PRKCH: variants seen among roughly 807,000 people sequenced by gnomAD.
PRKCH encodes protein kinase C eta type.
In PRKCH, 28 loss-of-function variants were observed where a neutral mutation model predicts 82.5. That is an observed-to-expected ratio of 0.34 (90% CI 0.25 to 0.47). The LOEUF is 0.47. Among genes scored for constraint, PRKCH ranks in the 20% least tolerant of loss-of-function variants. The pLI, the probability that PRKCH is intolerant of heterozygous loss-of-function variation, is 1.00. For synonymous variants in PRKCH, 322 were observed against 327.4 expected (o/e 0.98, Z 0.18); for missense variants, 705 against 881.8 (o/e 0.80, Z 2.54).
intron 2 of PRKCH, among the ~76,000 whole-genome samples, chr14:61,431,370 G>T (rs113533354): frequency 1.3e-3 from 196 of 152,270 alleles, no homozygotes; most frequent in Middle Eastern, 0.01. Context: ...AGGGTCCTCG[G>T]ATCTCTCAAA....
chr14:61,248,133 A>G (rs1253961667), intron 1 of PRKCH, among the ~76,000 whole-genome samples: 1 of 152,134 alleles, frequency 6.6e-6, no homozygotes, highest in African/African-American at 2.4e-5. Context: ...CCCTGACCAC[A>G]TTATTTATCA....
chr14:61,535,238 G>T (rs1359809799), intron 12 of PRKCH, among the ~76,000 whole-genome samples: 1 of 152,230 alleles, frequency 6.6e-6, no homozygotes, highest in African/African-American at 2.4e-5. Context: ...ATTCAGTGAT[G>T]AGTGAGGCAA....
intron 11 of PRKCH, among the ~76,000 whole-genome samples, chr14:61,529,520 G>C (rs1040814793): frequency 6.6e-6 from 1 of 151,714 alleles, no homozygotes; most frequent in Non-Finnish European, 1.5e-5. Flanking sequence ...GTCCAACAAT[G>C]ATAGACTGGA....
At chr14:61,408,560 G>A (rs1048138652) in intron 2 of PRKCH, among the ~76,000 whole-genome samples, 1 of 152,128 alleles carries the variant, frequency 6.6e-6, no homozygotes, top group Non-Finnish European at 1.5e-5. Flanking sequence ...GTGACCTTAA[G>A]CAATGGTTGC....
At chr14:61,455,318 G>T (rs1884714884) in intron 7 of PRKCH, among the ~76,000 whole-genome samples, 1 of 151,968 alleles carries the variant, frequency 6.6e-6, no homozygotes, top group South Asian at 2.1e-4. Flanking sequence ...GGGATTACAG[G>T]CTTGAGCCAC....
intron 1 of PRKCH, among the ~76,000 whole-genome samples, chr14:61,211,360 G>A (rs540771755): frequency 7.9e-5 from 12 of 152,292 alleles, no homozygotes; most frequent in East Asian, 3.9e-4. Flanking sequence ...AACTTCTCTC[G>A]TGACCATCCC....
At chr14:61,479,011 C>T (rs146476444) in intron 9 of PRKCH, among the ~76,000 whole-genome samples, 1 of 152,242 alleles carries the variant, frequency 6.6e-6, no homozygotes, top group East Asian at 1.9e-4. Flanking sequence ...CTCATGCAAC[C>T]CAAGGGCAGG....
At chr14:61,434,331 T>C (rs1456582951) in intron 2 of PRKCH, among the ~76,000 whole-genome samples, 1 of 152,138 alleles carries the variant, frequency 6.6e-6, no homozygotes, top group Non-Finnish European at 1.5e-5. Flanking sequence ...GCAACCCAAA[T>C]GTGATGGAAC....
intron 1 of PRKCH, among the ~76,000 whole-genome samples, chr14:61,276,088 TC>T (rs1484393606): frequency 1.3e-5 from 2 of 152,122 alleles, no homozygotes; most frequent in African/African-American, 4.8e-5. Flanking sequence ...ATTGGCAAAT[TC>T]CTGACGAACT....
In PRKCH at chr14:61,416,043, CTTTTCTTTTCTTT is replaced by C. The variant is rs1344703685; in HGVS notation, c.427+24760_427+24772del. Among the ~76,000 whole-genome samples the C allele has an allele frequency of 9.6e-5, 9 of 93,926 alleles. No individual in the cohort carries two copies. The East Asian group carries it at 2.2e-3, about 23-fold the overall frequency. The allele number at this position is 93,926 out of a possible 152,430, so 61.6% of individuals were successfully genotyped here. On this transcript the variant is annotated intron_variant, in intron 2 of 13. Coordinates refer to ENST00000332981, the MANE Select transcript of PRKCH (RefSeq NM_006255.5). The stretch of plus-strand genomic sequence containing the variant: ...CCCTCCCTTGCCTCTTTTTTCTTTT[CTTTTCTTTTCTTT>C]TTTTTTTTTTTTTTTTTTGAGACGG...
rs377379478 is a variant in PRKCH, at chr14:61,413,038, T to A, written c.427+21750T>A. Among the ~76,000 whole-genome samples, 27 of 152,208 alleles carry A rather than the reference T, an allele frequency of 1.8e-4. No individual in the cohort carries two copies. In the East Asian group the frequency reaches 3.9e-3, roughly 22 times the overall value. On this transcript the variant is annotated intron_variant, in intron 2 of 13. Coordinates refer to ENST00000332981, the MANE Select transcript of PRKCH (RefSeq NM_006255.5). Reference sequence around the variant, plus strand: ...CTTTGGCTGCTTCTCCTGTGGTGATTTAAACAGAAAAAAAAAATTCTTCAC... The same window carrying A: ...CTTTGGCTGCTTCTCCTGTGGTGATATAAACAGAAAAAAAAAATTCTTCAC...
intron 2 of PRKCH, among the ~76,000 whole-genome samples, chr14:61,410,979 G>T (rs1475999206): frequency 6.6e-6 from 1 of 152,218 alleles, no homozygotes; most frequent in Non-Finnish European, 1.5e-5. Context: ...CAGAAAGTAT[G>T]AGACATCGTG....
chr14:61,226,683 G>C (rs189563096), intron 1 of PRKCH, among the ~76,000 whole-genome samples: 1 of 152,162 alleles, frequency 6.6e-6, no homozygotes, highest in African/African-American at 2.4e-5. Context: ...GACAATGGTC[G>C]TTCTCTAAAG....
intron 1 of PRKCH, among the ~76,000 whole-genome samples, chr14:61,234,739 A>G (rs1022149716): frequency 2.0e-5 from 3 of 152,182 alleles, no homozygotes; most frequent in Admixed American, 1.3e-4. Context: ...CACTCTGAGC[A>G]TTTGCATCTT....
At chr14:61,518,870 T>A (rs928871860) in intron 10 of PRKCH, among the ~76,000 whole-genome samples, 1 of 151,830 alleles carries the variant, frequency 6.6e-6, no homozygotes, top group Non-Finnish European at 1.5e-5. Context: ...TGGAGTGCAG[T>A]AGCACAATCA....
intron 1 of PRKCH, among the ~76,000 whole-genome samples, chr14:61,215,593 C>T (rs1157524798): frequency 6.6e-6 from 1 of 152,136 alleles, no homozygotes; most frequent in Non-Finnish European, 1.5e-5. Context: ...AATACAGATG[C>T]TCAATAAATA....
chr14:61,394,466 G>A (rs1345207165), intron 2 of PRKCH, among the ~76,000 whole-genome samples: 1 of 152,186 alleles, frequency 6.6e-6, no homozygotes, highest in African/African-American at 2.4e-5. Flanking sequence ...AGCTATGGTA[G>A]AAAGAAACAC....
At chr14:61,322,487 CT>C (rs1197671195) in intron 1 of PRKCH, 23 bp downstream of exon 1, 1 of 1,578,322 alleles carries the variant, frequency 6.3e-7, no homozygotes, top group Admixed American at 1.7e-5. Context: ...GACCCCTTCC[CT>C]TTGTGTCCAC....
intron 2 of PRKCH, among the ~76,000 whole-genome samples, chr14:61,416,769 T>C (rs10151341): frequency 0.045 from 6,808 of 152,140 alleles, 464 homozygotes; most frequent in African/African-American, 0.15. Flanking sequence ...TAGCTTTCTG[T>C]TGGGGAGAGA....
Sources: gnomAD v4.1 joint callset for allele counts (sites outside exome capture counted in the v4.1 genomes callset) on GRCh38, gnomAD v4.1.1 for gene constraint, MANE v1.5 for transcripts, NCBI Gene and HGNC (gene_info 2026-07-23, HGNC 2026-07-21) for gene names.